WDPCP: variants seen among roughly 807,000 people sequenced by gnomAD.
The protein encoded by WDPCP is WD repeat-containing and planar cell polarity effector protein fritz homolog.
Under a neutral mutation model 93.1 loss-of-function variants are expected in WDPCP, and 71 were observed. The ratio of observed to expected loss-of-function variants is 0.76; its 90% CI spans 0.63 to 0.93. The LOEUF (loss-of-function observed/expected upper bound fraction) is 0.93. Ranked by LOEUF, WDPCP falls within the 40% of genes least tolerant of loss-of-function variation. The pLI is 0.00. For synonymous variants in WDPCP, 315 were observed against 315.0 expected, an observed-to-expected ratio of 1.00 and a Z score of 0.00; for missense variants, 844 against 887.4, an observed-to-expected ratio of 0.95 and a Z score of 0.62.
chr2:63,586,879 G>A (rs546839948), intron 1 of WDPCP, among the ~76,000 whole-genome samples: 21 of 152,194 alleles, frequency 1.4e-4, no homozygotes, highest in Non-Finnish European at 2.4e-4. Context: ...AAAATCATGA[G>A]ATTGTTTTGT....
chr2:63,469,964 C>G lies in WDPCP; in HGVS notation c.384+14640G>C, dbSNP rs188426349. On this transcript the variant is annotated intron_variant, in intron 6 of 17. Transcript: ENST00000272321. ...TGCTCCTCCATGCAGTGGCCAATGG[C>G]CACCATCTTGTTACAGGTATCTTGG... 6.6e-4 allele frequency among the ~76,000 whole-genome samples: 100 copies of G among 152,336 alleles called. 1 individual carries two copies. Among genetic ancestry groups the G allele is most frequent in the African/African-American group, 2.2e-3 (90 of 41,576 alleles).
chr2:63,412,383 T>C lies in WDPCP; in HGVS notation c.826-7726A>G, dbSNP rs1695081752. ...TTGGCACACAAGGGACATATCTCAA[T>C]GTAATAAATTTCATCTATGACAGTC... On this transcript the variant is annotated intron_variant, in intron 9 of 17. Transcript: ENST00000272321. Among the ~76,000 whole-genome samples, 3 of 152,116 alleles carry C rather than the reference T, an allele frequency of 2.0e-5. No individual in the cohort carries two copies. The South Asian group carries it at 6.2e-4, about 31-fold the overall frequency.
chr2:63,412,908 CG>C (rs1695127847), intron 9 of WDPCP, among the ~76,000 whole-genome samples: 1 of 148,922 alleles, frequency 6.7e-6, no homozygotes, highest in African/African-American at 2.6e-5. Context: ...CCATGCTCAT[CG>C]ATGGGTAGAA....
At chr2:63,375,479 G>C (rs190975522) in intron 12 of WDPCP, among the ~76,000 whole-genome samples, 1 of 151,660 alleles carries the variant, frequency 6.6e-6, no homozygotes, top group African/African-American at 2.4e-5. Context: ...TATCTTTAAC[G>C]TTAGGAGCTT....
upstream of WDPCP, among the ~76,000 whole-genome samples, chr2:63,832,336 C>T (rs1053959342): frequency 6.6e-6 from 1 of 152,148 alleles, no homozygotes; most frequent in Non-Finnish European, 1.5e-5. Flanking sequence ...AGGTTGAAAG[C>T]TGAAAAGCTT....
At chr2:63,596,457 C>T (rs1330216814) in intron 3 of WDPCP, among the ~76,000 whole-genome samples, 1 of 152,182 alleles carries the variant, frequency 6.6e-6, no homozygotes, top group Non-Finnish European at 1.5e-5. Context: ...CTGCTTTTTC[C>T]CATTTGTATT....
intron 12 of WDPCP, among the ~76,000 whole-genome samples, chr2:63,353,842 G>A (rs1420146821): frequency 1.5e-4 from 23 of 152,108 alleles, no homozygotes; most frequent in Admixed American, 1.4e-3. Flanking sequence ...GACAAGGGAC[G>A]GGAGCAGGCC....
intron 17 of WDPCP, among the ~76,000 whole-genome samples, chr2:63,128,648 C>G (rs1670082501): frequency 6.6e-6 from 1 of 152,174 alleles, no homozygotes; most frequent in Non-Finnish European, 1.5e-5. Flanking sequence ...CCATTTCATA[C>G]TTCCTTAAGC....
chr2:63,731,884 T>C (rs1669566789), intron 2 of WDPCP, among the ~76,000 whole-genome samples: 1 of 152,212 alleles, frequency 6.6e-6, no homozygotes, highest in Non-Finnish European at 1.5e-5. Context: ...ATAAGAAGTA[T>C]ATTTGTTCTG....
chr2:63,599,080 TA>T, intron 3 of WDPCP: 15 of 1,354,790 alleles, frequency 1.1e-5, no homozygotes, highest in Non-Finnish European at 1.5e-5. Flanking sequence ...GTACAAAGGC[TA>T]CCTGTTAGAC....
intron 1 of WDPCP, among the ~76,000 whole-genome samples, chr2:63,574,305 C>G (rs944631864): frequency 6.6e-6 from 1 of 152,180 alleles, no homozygotes; most frequent in Non-Finnish European, 1.5e-5. Flanking sequence ...CTTTTGTACT[C>G]TGTCCCTTTA....
intron 3 of WDPCP, chr2:63,643,586 T>C (rs1471307568): frequency 9.2e-6 from 4 of 434,634 alleles, no homozygotes; most frequent in Admixed American, 2.9e-5. Context: ...CTCACCTTGA[T>C]GAGGGGATCA....
intron 1 of WDPCP, chr2:63,571,714 A>G: frequency 2.2e-6 from 1 of 450,478 alleles, no homozygotes; most frequent in Non-Finnish European, 4.6e-6. Flanking sequence ...TTAAATATTC[A>G]AACATTCTTG....
At chr2:63,824,926 TTAA>T (rs1671090117) in intron 1 of WDPCP, among the ~76,000 whole-genome samples, 1 of 152,258 alleles carries the variant, frequency 6.6e-6, no homozygotes, top group Non-Finnish European at 1.5e-5. Flanking sequence ...AATATAACAG[TTAA>T]TAATTGACAT....
At chr2:63,317,700 CTGG>C (rs1686760510) in intron 12 of WDPCP, among the ~76,000 whole-genome samples, 1 of 152,120 alleles carries the variant, frequency 6.6e-6, no homozygotes, top group African/African-American at 2.4e-5. Flanking sequence ...GCTGGAGTAA[CTGG>C]ATAGTCGTAT....
At chr2:63,576,150 C>T (rs1460295806) in intron 1 of WDPCP, among the ~76,000 whole-genome samples, 1 of 152,098 alleles carries the variant, frequency 6.6e-6, no homozygotes, top group Non-Finnish European at 1.5e-5. Context: ...AATGCGTTGT[C>T]CTATAATTTA....
chr2:63,805,030 A>AAAAAG (rs1014255157), intron 2 of WDPCP, among the ~76,000 whole-genome samples: 4 of 152,118 alleles, frequency 2.6e-5, no homozygotes, highest in Admixed American at 6.6e-5. Context: ...TCCATTTCAA[A>AAAAAG]AAAAGAAAAG....
At chr2:63,833,617 T>C in the WDPCP span, among the ~76,000 whole-genome samples, 1 of 152,226 alleles carries the variant, frequency 6.6e-6, no homozygotes, top group Non-Finnish European at 1.5e-5. Context: ...ATATATAGCA[T>C]ACCTAATCTA....
chr2:63,804,330 CA>C (rs1358656147), intron 2 of WDPCP, among the ~76,000 whole-genome samples: 1 of 151,438 alleles, frequency 6.6e-6, no homozygotes, highest in Non-Finnish European at 1.5e-5. Context: ...GGCTTCACTG[CA>C]AGCTGCGCCT....
Sources: allele counts gnomAD v4.1 joint callset (sites outside exome capture counted in the v4.1 genomes callset), GRCh38; gene constraint gnomAD v4.1.1; transcripts MANE v1.5; gene names NCBI Gene and HGNC (gene_info 2026-07-23, HGNC 2026-07-21).